The following FAT1 variants were observed in gnomAD, a reference collection of about 807,000 sequenced individuals.
The protein encoded by FAT1 is FAT atypical cadherin 1.
A neutral mutation model predicts 329.8 loss-of-function variants in FAT1; 171 were observed. The ratio of observed to expected loss-of-function variants is 0.52; its 90% CI spans 0.46 to 0.59. FAT1 has a LOEUF of 0.59. Ranked by LOEUF, FAT1 falls within the 20% of genes least tolerant of loss-of-function variation. FAT1 has a pLI of 0.00. For missense variants in FAT1, 5,672 were observed against 5,774.4 expected, an observed-to-expected ratio of 0.98 and a Z score of 0.57; for synonymous variants, 2,233 against 2,228.6, an observed-to-expected ratio of 1.00 and a Z score of -0.06.
In FAT1 at chr4:186,609,978, G is replaced by GCT; in HGVS notation, c.9889_9890dup (p.Ser3297ArgfsTer8). The GCT allele has an allele frequency of 6.2e-7, 1 of 1,613,068 alleles. No individual in the cohort carries two copies. Among genetic ancestry groups the GCT allele is most frequent in the Non-Finnish European group, 8.5e-7 (1 of 1,179,112 alleles). ...CTACTGTTAGGTAATACTCATGAGA[G>GCT]CTCTCATAATCCAGATTCTCAATGA... On this transcript the variant is annotated frameshift_variant, in exon 15 of 27. Coordinates refer to ENST00000441802, the MANE Select transcript of FAT1 (RefSeq NM_005245.4). LOFTEE classifies it high-confidence loss of function.
rs1744764042 is a variant in FAT1 at position 186,708,471 on chromosome 4, C to T, written c.1357G>A (p.Val453Ile). The change falls in exon 2 of 27, where the codon GTC becomes ATC. Residue 453 changes from valine to isoleucine, a missense_variant. Physicochemically the swap from Val to Ile is conservative, Grantham distance 29 (BLOSUM62 3). Coordinates refer to ENST00000441802, the MANE Select transcript of FAT1 (RefSeq NM_005245.4). ...GGGGGATTGCTATTTGCACCTAAGA[C>T]TTTCACCAAGACCTTGGTGGACGCT... ...RKASTKVLVK[V>I]LGANSNPPEF... 6.2e-7 allele frequency: 1 copy of T among 1,614,010 alleles called. No homozygotes were observed. Among genetic ancestry groups the T allele is most frequent in the South Asian group, 1.1e-5 (1 of 91,084 alleles).
At chr4:186,668,266 T>C (rs1479631164) in intron 2 of FAT1, among the ~76,000 whole-genome samples, 1 of 152,006 alleles carries the variant, frequency 6.6e-6, no homozygotes, top group Non-Finnish European at 1.5e-5. Flanking sequence ...TAGCCCGAGA[T>C]CTCTAGGTCA....
chr4:186,609,449 C>A (rs911557986), intron 15 of FAT1, 129 bp from the exon 16 acceptor site: 2 of 1,109,598 alleles, frequency 1.8e-6, no homozygotes, highest in African/African-American at 3.2e-5. Flanking sequence ...TGGAGCCTTG[C>A]TCTGTCACTC....
rs1018709420 is a variant in FAT1, at chr4:186,680,595, G to A, written c.3266-16982C>T. Reference sequence around the variant, plus strand: ...TACCTCATAAAGCTCCAAGACCACCGTAAGTTCTAAAGCATGGTGTTTGGT... The same window carrying A: ...TACCTCATAAAGCTCCAAGACCACCATAAGTTCTAAAGCATGGTGTTTGGT... On this transcript the variant is annotated intron_variant, in intron 2 of 26. Transcript: ENST00000441802. 5.3e-5 allele frequency among the ~76,000 whole-genome samples: 8 copies of A among 152,194 alleles called. No homozygotes were observed. The East Asian group carries it at 1.3e-3, about 26-fold the overall frequency.
rs529838673 is a variant in FAT1 at position 186,643,209 on chromosome 4, G to A, written c.3581-3426C>T. The stretch of plus-strand genomic sequence containing the variant: ...GGTGACGACAGCATGGAGCAAGGCA[G>A]ATGGAGAACGCGCTCCCCACGGCAG... On this transcript the variant is annotated intron_variant, in intron 3 of 26. Coordinates refer to ENST00000441802, the MANE Select transcript of FAT1 (RefSeq NM_005245.4). 2.0e-5 allele frequency among the ~76,000 whole-genome samples: 3 copies of A among 152,264 alleles called. No homozygotes were observed. In the South Asian group the frequency reaches 6.2e-4, roughly 32 times the overall value.
chr4:186,703,617 T>C (rs976263910), intron 2 of FAT1, among the ~76,000 whole-genome samples: 2 of 152,214 alleles, frequency 1.3e-5, no homozygotes, highest in Admixed American at 6.5e-5. Flanking sequence ...CACAGGCTCA[T>C]ATTAATTAGC....
Position 186,600,329 on chromosome 4 carries a change from T to C in FAT1, c.11672A>G (p.Asp3891Gly), listed in dbSNP as rs2126415076. 5 of 1,613,280 alleles carry C rather than the reference T, an allele frequency of 3.1e-6. No homozygotes were observed. The highest frequency in any genetic ancestry group is 4.2e-6 in the Non-Finnish European group (5 of 1,179,580). The change falls in exon 22 of 27, where the codon GAC (aspartate) becomes GGC (glycine). Residue 3891 changes from aspartate (D) to glycine (G), a missense_variant. By Grantham distance (94) the Asp-to-Gly change is moderately conservative. Coordinates refer to ENST00000441802, the MANE Select transcript of FAT1 (RefSeq NM_005245.4). Reference sequence around the variant, plus strand: ...GACAATTCCAGGGCCACTTCCACAGTCAAACTTGTACTGCAGCCTTCCATG... The same window carrying C: ...GACAATTCCAGGGCCACTTCCACAGCCAAACTTGTACTGCAGCCTTCCATG... ...IHHGRLQYKF[D>G]CGSGPGIVSV...
intron 2 of FAT1, among the ~76,000 whole-genome samples, chr4:186,672,840 A>G (rs539511788): frequency 6.6e-6 from 1 of 152,158 alleles, no homozygotes; most frequent in African/African-American, 2.4e-5. Flanking sequence ...GGGCAACTGA[A>G]CACAACCTGC....
rs1240949530 is a variant in FAT1, at chr4:186,588,730, G to A, written c.13629C>T (p.Thr4543=). The A allele has an allele frequency of 1.4e-5, 22 of 1,613,884 alleles. No individual in the cohort carries two copies. Among genetic ancestry groups the A allele is most frequent in the African/African-American group, 5.3e-5 (4 of 74,916 alleles). The change falls in exon 27 of 27, where the codon ACC becomes ACT. Residue 4543 remains threonine (T), a synonymous_variant. Coordinates refer to ENST00000441802, the MANE Select transcript of FAT1 (RefSeq NM_005245.4). ...AGGCTGACACGTCAGAGCAGGAGGC[G>A]GTGGAGGCGTACACAGACATGGGCA... ...ESMPMSVYAS[T]ASCSDVSACC...
Position 186,723,753 on chromosome 4 carries a change from G to A in FAT1, c.-108C>T, listed in dbSNP as rs1229369379. 5.3e-5 allele frequency: 8 copies of A among 150,806 alleles called. No homozygotes were observed. Among genetic ancestry groups the A allele is most frequent in the Non-Finnish European group, 1.2e-4 (8 of 67,574 alleles). 9.3% of individuals were successfully genotyped at this position (150,806 alleles called of 1,614,324 possible). A position where few individuals can be genotyped will look rare whatever the true frequency, so the allele number is the denominator to read the frequency against. On this transcript the variant is annotated 5_prime_UTR_variant, in exon 1 of 27. Transcript: ENST00000441802. ...CCGAGCAGGGACCGGGCCTGCCGGG[G>A]CCCTCGCCGGGCTCGCGCGTCCGCA...
chr4:186,592,814 A>G, intron 26 of FAT1: 2 of 455,940 alleles, frequency 4.4e-6, no homozygotes, highest in Admixed American at 2.4e-5. Flanking sequence ...AAAACAGTGC[A>G]TGAAATAAAG....
rs372669287 is a variant in FAT1, at chr4:186,621,081, C to T, written c.5505G>A (p.Leu1835=). The part of the protein sequence containing the change: ...STGAIHTVLS[L]DYEETSIFHF... ...GAAAAATACTTGTTTCTTCATAGTC[C>T]AGACTTAGTACTGTATGAATAGCAC... is the stretch of plus-strand genomic sequence containing the variant. Residue 1835 remains leucine (L), a synonymous_variant, in exon 10 of 27, where the codon CTG becomes CTA. Transcript: ENST00000441802. 300 of 1,613,358 alleles carry T rather than the reference C, an allele frequency of 1.9e-4. No individual in the cohort carries two copies. Among genetic ancestry groups the T allele is most frequent in the Non-Finnish European group, 1.1e-4 (129 of 1,179,902 alleles).
Position 186,618,609 on chromosome 4 carries a change from C to T in FAT1, c.7977G>A (p.Glu2659=), listed in dbSNP as rs796294143. The T allele has an allele frequency of 2.5e-6, 4 of 1,613,934 alleles. No individual in the cohort carries two copies. The highest frequency in any genetic ancestry group is 3.4e-6 in the Non-Finnish European group (4 of 1,179,912). ...ATTCATTTTCCAAGCCAATGAGGCT[C>T]TCCTTTGTAGTGATTACGCCGGACA... is the stretch of plus-strand genomic sequence containing the variant. ...NKLSGVITTK[E]SLIGLENEFF... is the part of the protein sequence containing the mutation. The change falls in exon 10 of 27, where the codon GAG becomes GAA. Residue 2659 remains glutamate, a synonymous_variant. Coordinates refer to ENST00000441802, the MANE Select transcript of FAT1 (RefSeq NM_005245.4).
At chr4:186,654,475 C>T (rs1741811700) in intron 3 of FAT1, among the ~76,000 whole-genome samples, 1 of 152,174 alleles carries the variant, frequency 6.6e-6, no homozygotes, top group Admixed American at 6.5e-5. Flanking sequence ...TGGGCTATCT[C>T]CTTCAAGCTC....
chr4:186,620,357 T>A lies in FAT1; in HGVS notation c.6229A>T (p.Asn2077Tyr), dbSNP rs1242599457. The A allele has an allele frequency of 1.2e-6, 2 of 1,613,946 alleles. No individual in the cohort carries two copies. Among genetic ancestry groups the A allele is most frequent in the Non-Finnish European group, 1.7e-6 (2 of 1,179,870 alleles). ...GGAAGGTTGACAAACACCGGCGCAT[T>A]ATCATTTTGGTCTTCTACAATGACC... ...VKVIVEDQND[N>Y]APVFVNLPYY... Residue 2077 changes from asparagine (N) to tyrosine (Y), a missense_variant, in exon 10 of 27, where the codon AAT (asparagine) becomes TAT (tyrosine). Asn to Tyr is a moderately radical substitution (Grantham distance 143, BLOSUM62 -2). Transcript: ENST00000441802.
At chr4:186,661,877 G>T (rs769007812) in intron 3 of FAT1, among the ~76,000 whole-genome samples, 5 of 152,072 alleles carry the variant, frequency 3.3e-5, no homozygotes, top group Non-Finnish European at 7.3e-5. Context: ...GCAACTGGTG[G>T]GAAGAAGTGA....
chr4:186,689,553 C>A (rs1743645296), intron 2 of FAT1, among the ~76,000 whole-genome samples: 1 of 148,280 alleles, frequency 6.7e-6, no homozygotes, highest in African/African-American at 2.6e-5. Context: ...AGCTCACACA[C>A]TCGCTTAACA....
In FAT1 at chr4:186,620,166, T is replaced by C. The variant is rs779329716; in HGVS notation, c.6420A>G (p.Gln2140=). Residue 2140 remains glutamine (Q), a synonymous_variant, in exon 10 of 27, where the codon CAA becomes CAG. Transcript: ENST00000441802. The stretch of plus-strand genomic sequence containing the variant: ...CTTTATTTAAGGTGTCAAGCTCAAA[T>C]TGCTTTTTCAGTGAAATTTCACCCA... ...GPLGEISLKK[Q]FELDTLNKEY... The C allele has an allele frequency of 1.2e-6, 2 of 1,614,018 alleles. No individual in the cohort carries two copies. Among genetic ancestry groups the C allele is most frequent in the Non-Finnish European group, 1.7e-6 (2 of 1,179,898 alleles).
Position 186,618,110 on chromosome 4 carries a change from T to G in FAT1, c.8476A>C (p.Ser2826Arg), listed in dbSNP as rs1209709913. 6.2e-7 allele frequency: 1 copy of G among 1,614,052 alleles called. No individual in the cohort carries two copies. The highest frequency in any genetic ancestry group is 1.7e-5 in the Admixed American group (1 of 60,028). Residue 2826 changes from serine (S) to arginine (R), a missense_variant, in exon 10 of 27, where the codon AGT becomes CGT. Coordinates refer to ENST00000441802, the MANE Select transcript of FAT1 (RefSeq NM_005245.4). ...AFIVENLPGGSRVIQIRASDA... is the reference protein window; with the variant it reads ...AFIVENLPGGRRVIQIRASDA... ...GATGCCCTGATCTGAATTACTCTAC[T>G]TCCCCCTGGCAGGTTTTCAACAATG...
Sources: gnomAD v4.1 joint callset for allele counts (sites outside exome capture counted in the v4.1 genomes callset) on GRCh38, gnomAD v4.1.1 for gene constraint, MANE v1.5 for transcripts, NCBI Gene and HGNC (gene_info 2026-07-23, HGNC 2026-07-21) for gene names.